SAMMSON: variants seen among roughly 807,000 people sequenced by gnomAD.
The protein encoded by SAMMSON is long intergenic non-protein coding RNA 1212.
At chr3:70,321,791 A>G (rs969230426) in intron 7 of SAMMSON, among the ~76,000 whole-genome samples, 2 of 152,026 alleles carry the variant, frequency 1.3e-5, no homozygotes, top group Non-Finnish European at 2.9e-5. Context: ...TAACTAAAAT[A>G]TGCTAGAAAA....
intron 3 of SAMMSON, among the ~76,000 whole-genome samples, chr3:70,017,625 A>T (rs1330515248): frequency 6.6e-6 from 1 of 152,108 alleles, no homozygotes; most frequent in Non-Finnish European, 1.5e-5. Context: ...ACTATGTTGA[A>T]TAGGAGTGGT....
chr3:70,282,449 T>C (rs1702095904), intron 6 of SAMMSON, among the ~76,000 whole-genome samples: 1 of 152,228 alleles, frequency 6.6e-6, no homozygotes. Context: ...AATGGAAATT[T>C]AAAGTCATAT....
At chr3:70,111,756 G>T (rs141559431) in intron 4 of SAMMSON, among the ~76,000 whole-genome samples, 85 of 152,244 alleles carry the variant, frequency 5.6e-4, no homozygotes, top group Middle Eastern at 3.4e-3. Context: ...CCAAAATCAG[G>T]AGTTCCAGAA....
intron 6 of SAMMSON, among the ~76,000 whole-genome samples, chr3:70,276,515 T>C (rs966150108): frequency 1.3e-5 from 2 of 152,210 alleles, no homozygotes; most frequent in South Asian, 4.1e-4. Context: ...TTAAGAATTA[T>C]GATTCATTCC....
rs932097822 is a variant in SAMMSON, at chr3:70,200,832, C to T, written n.508-48275C>T. ...TTGTTTCTGACTGTCCTAAATCCTA[C>T]CAACTGTAAGATCGTAGAGCAGAGA... is the stretch of plus-strand genomic sequence containing the variant. On this transcript the variant is annotated intron_variant and non_coding_transcript_variant, in intron 4 of 9. Coordinates refer to ENST00000642114, the Ensembl canonical transcript of SAMMSON. Among the ~76,000 whole-genome samples the T allele has an allele frequency of 5.3e-5, 8 of 152,102 alleles. No homozygotes were observed. The South Asian group carries it at 8.3e-4, about 16-fold the overall frequency.
intron 4 of SAMMSON, among the ~76,000 whole-genome samples, chr3:70,093,689 A>G (rs2067313428): frequency 6.6e-6 from 1 of 152,162 alleles, no homozygotes; most frequent in African/African-American, 2.4e-5. Flanking sequence ...AGGAGTCAAG[A>G]TTGTGAAATT....
intron 2 of SAMMSON, among the ~76,000 whole-genome samples, chr3:70,423,325 T>G (rs1328750150): frequency 1.3e-5 from 2 of 152,162 alleles, no homozygotes; most frequent in Admixed American, 6.5e-5. Flanking sequence ...AGGTAAAATG[T>G]TGTAAGAATG....
At chr3:70,431,676 A>G (rs527574720) in intron 2 of SAMMSON, among the ~76,000 whole-genome samples, 7 of 152,050 alleles carry the variant, frequency 4.6e-5, no homozygotes, top group Non-Finnish European at 1.0e-4. Flanking sequence ...TGACAATTGT[A>G]TAAGCTCATA....
chr3:70,332,877 A>C (rs906926927), intron 7 of SAMMSON: 1 of 152,352 alleles, frequency 6.6e-6, no homozygotes, highest in Non-Finnish European at 1.5e-5. Context: ...TACAGGCGTG[A>C]GCTACCGCGC....
At chr3:70,244,461 G>A (rs9852987) in intron 4 of SAMMSON, among the ~76,000 whole-genome samples, 17,553 of 152,170 alleles carry the variant, frequency 0.12, 1,838 homozygotes, top group African/African-American at 0.28. Context: ...GAGTAATCAA[G>A]TGCATCTGAT....
At chr3:70,013,295 T>A (rs2066966159) in intron 2 of SAMMSON, among the ~76,000 whole-genome samples, 1 of 152,090 alleles carries the variant, frequency 6.6e-6, no homozygotes, top group Non-Finnish European at 1.5e-5. Flanking sequence ...TAAAAAAATA[T>A]GAACTAGAAG....
intron 2 of SAMMSON, among the ~76,000 whole-genome samples, chr3:70,399,222 G>A (rs992834325): frequency 1.3e-5 from 2 of 152,108 alleles, no homozygotes; most frequent in African/African-American, 4.8e-5. Flanking sequence ...CGTTTTAGAG[G>A]CAGACTTTGT....
intron 4 of SAMMSON, among the ~76,000 whole-genome samples, chr3:70,187,745 T>C (rs2106709562): frequency 6.6e-6 from 1 of 152,116 alleles, no homozygotes; most frequent in East Asian, 1.9e-4. Context: ...CGGGACCAAC[T>C]CTTTCTCAGG....
chr3:70,057,504 T>A (rs970637033), intron 3 of SAMMSON, among the ~76,000 whole-genome samples: 2 of 152,060 alleles, frequency 1.3e-5, no homozygotes, highest in Non-Finnish European at 2.9e-5. Flanking sequence ...AATAACAGCA[T>A]TAGAATCTTT....
chr3:70,078,500 CA>C (rs2106639860), intron 4 of SAMMSON, among the ~76,000 whole-genome samples: 1 of 152,226 alleles, frequency 6.6e-6, no homozygotes, highest in South Asian at 2.1e-4. Flanking sequence ...AGGCAGCCTT[CA>C]GATTCCCCAC....
chr3:70,392,355 T>A, downstream of SAMMSON, among the ~76,000 whole-genome samples: 1 of 152,110 alleles, frequency 6.6e-6, no homozygotes, highest in East Asian at 1.9e-4. Flanking sequence ...TTGACCAGGA[T>A]CACATAGGAA....
At chr3:70,041,997 A>T (rs2067108123) in intron 3 of SAMMSON, among the ~76,000 whole-genome samples, 1 of 152,096 alleles carries the variant, frequency 6.6e-6, no homozygotes, top group Admixed American at 6.6e-5. Flanking sequence ...GTGCATGATC[A>T]ATGGCTTTGA....
intron 9 of SAMMSON, among the ~76,000 whole-genome samples, chr3:70,364,810 C>T (rs1255122014): frequency 6.6e-6 from 1 of 151,640 alleles, no homozygotes; most frequent in African/African-American, 2.4e-5. Context: ...TTTATTTCCC[C>T]TTACTGTAGT....
chr3:70,229,058 G>A (rs1701535293), intron 4 of SAMMSON, among the ~76,000 whole-genome samples: 1 of 152,194 alleles, frequency 6.6e-6, no homozygotes, highest in Admixed American at 6.5e-5. Context: ...AGCTAAAGAG[G>A]TCTTCCCAGA....
Sources: gnomAD v4.1 joint callset for allele counts (sites outside exome capture counted in the v4.1 genomes callset) on GRCh38, gnomAD v4.1.1 for gene constraint, MANE v1.5 for transcripts, NCBI Gene and HGNC (gene_info 2026-07-23, HGNC 2026-07-21) for gene names.